MVD: variants seen among roughly 807,000 people sequenced by gnomAD.
MVD encodes diphosphomevalonate decarboxylase.
MVD carries 52 observed loss-of-function variants against 42.4 expected under a neutral mutation model. The ratio of observed to expected loss-of-function variants is 1.23; its 90% confidence interval spans 0.98 to 1.55. MVD has a LOEUF of 1.55. MVD is among the 40% of genes most tolerant of loss of function. MVD has a pLI of 0.00. For synonymous variants in MVD, 287 were observed against 243.2 expected, an observed-to-expected ratio of 1.18 and a Z score of -1.68; for missense variants, 663 against 572.1, an observed-to-expected ratio of 1.16 and a Z score of -1.62.
intron 1 of MVD, 52 bp from the exon 2 acceptor site, chr16:88,658,772 CCAGTGTT>C: frequency 2.7e-6 from 4 of 1,464,660 alleles, no homozygotes; most frequent in Non-Finnish European, 2.8e-6. Flanking sequence ...CCACCCTCCC[CCAGTGTT>C]CCCCACAGGT....
intron 8 of MVD, among the ~76,000 whole-genome samples, chr16:88,654,375 G>A (rs1466795359): frequency 1.3e-5 from 2 of 152,222 alleles, no homozygotes; most frequent in Admixed American, 1.3e-4. Context: ...GGGAGTGCAG[G>A]CGTGTTTCCT....
Position 88,658,670 on chromosome 16 carries a change from C to CGCTCAG in MVD, c.115_120dup (p.Leu39_Ser40dup). On this transcript the variant is annotated inframe_insertion, in exon 2 of 10. Coordinates refer to ENST00000301012, the MANE Select transcript of MVD (RefSeq NM_002461.3). ...CATACCTGGTCCTGGTGCAGAGTGA[C>CGCTCAG]GCTCAGGGAGGAGTTGATGGGCAGA... is the stretch of plus-strand genomic sequence containing the variant. The CGCTCAG allele has an allele frequency of 6.2e-7, 1 of 1,613,744 alleles. No homozygotes were observed. The highest frequency in any genetic ancestry group is 8.5e-7 in the Non-Finnish European group (1 of 1,179,862).
rs140458937 is a variant in MVD, at chr16:88,656,804, C to T, written c.404-500G>A. 82 of 250,844 alleles carry T rather than the reference C, an allele frequency of 3.3e-4. No individual in the cohort carries two copies. In the East Asian group the frequency reaches 8.2e-3, roughly 25 times the overall value. 15.5% of individuals were successfully genotyped at this position (250,844 alleles called of 1,614,324 possible). A position where few individuals can be genotyped will look rare whatever the true frequency, so the allele number is the denominator to read the frequency against. Reference sequence around the variant, plus strand: ...AGGTCTGGTCACCCACCCTGGTCACCGAGGGTGGTTCAGGGAAGGCGCAGG... The same window carrying T: ...AGGTCTGGTCACCCACCCTGGTCACTGAGGGTGGTTCAGGGAAGGCGCAGG... On this transcript the variant is annotated intron_variant, in intron 4 of 9. Transcript: ENST00000301012.
At chr16:88,653,180 C>G in intron 9 of MVD, 120 bp downstream of exon 9, 1 of 751,690 alleles carries the variant, frequency 1.3e-6, no homozygotes, top group Non-Finnish European at 2.2e-6. Context: ...GTTCTGGCTT[C>G]CTGCCTGAGA....
intron 3 of MVD, 157 bp downstream of exon 3, chr16:88,657,758 T>C (rs1908025729): frequency 8.1e-7 from 1 of 1,236,466 alleles, no homozygotes; most frequent in East Asian, 2.5e-5. Flanking sequence ...GTCATTGAGG[T>C]GGGCCACTGC....
Position 88,653,397 on chromosome 16 carries a change from C to G in MVD, c.1025G>C (p.Gly342Ala). ...GAGAGGGGCCGGCCTCACCTGCAGC[C>G]CCTTCAGAAACCTGGAAAAGCAGGG... is the stretch of plus-strand genomic sequence containing the variant. ...PGSNGDTFLK[G>A]LQVRPAPLSA... The change falls in exon 9 of 10, where the codon GGG (glycine) becomes GCG (alanine). Residue 342 changes from glycine (G) to alanine (A), a missense_variant. Coordinates refer to ENST00000301012, the MANE Select transcript of MVD (RefSeq NM_002461.3). The G allele has an allele frequency of 6.2e-7, 1 of 1,606,216 alleles. No individual in the cohort carries two copies. Among genetic ancestry groups the G allele is most frequent in the African/African-American group, 1.3e-5 (1 of 74,310 alleles).
In MVD at chr16:88,652,361, G is replaced by A. The variant is rs1050742509; in HGVS notation, c.*164C>T. The A allele has an allele frequency of 4.1e-6, 3 of 737,016 alleles. No homozygotes were observed. The highest frequency in any genetic ancestry group is 3.5e-5 in the African/African-American group (2 of 57,852). The allele number at this position is 737,016 out of a possible 1,614,324, so 45.7% of individuals were successfully genotyped here. On this transcript the variant is annotated 3_prime_UTR_variant, in exon 10 of 10. Coordinates refer to ENST00000301012, the MANE Select transcript of MVD (RefSeq NM_002461.3). ...GGCGGGGACCTCTCCTGACACCTGG[G>A]CGGCCGCAGGACTCCCTGCACTGCC...
chr16:88,654,269 C>A (rs1475955191), intron 8 of MVD, among the ~76,000 whole-genome samples: 1 of 152,218 alleles, frequency 6.6e-6, no homozygotes, highest in African/African-American at 2.4e-5. Context: ...GGTCAACACC[C>A]GGCCGCCTTG....
intron 5 of MVD, 159 bp from the exon 6 acceptor site, chr16:88,655,889 T>TGACGCAGGGGC: frequency 9.0e-7 from 1 of 1,114,178 alleles, no homozygotes; most frequent in African/African-American, 1.6e-5. Flanking sequence ...ACAGCAGGGG[T>TGACGCAGGGGC]GACGCAGGGG....
chr16:88,655,098 G>C, intron 7 of MVD, 101 bp downstream of exon 7: 1 of 1,339,078 alleles, frequency 7.5e-7, no homozygotes, highest in South Asian at 1.3e-5. Flanking sequence ...TTCAGACACA[G>C]ATTGCCCTGC....
intron 1 of MVD, 148 bp downstream of exon 1, chr16:88,662,863 C>G (rs1288753472): frequency 2.1e-6 from 3 of 1,439,376 alleles, no homozygotes; most frequent in Non-Finnish European, 2.7e-6. Context: ...GCCCGACCAC[C>G]GCCGCGCCCC....
chr16:88,656,524 C>A (rs1907941055), intron 4 of MVD: 4 of 600,594 alleles, frequency 6.7e-6, no homozygotes, highest in Non-Finnish European at 1.2e-5. Context: ...TCACGGCCTG[C>A]AGAGCTTGCG....
At position 88,656,144 on chromosome 16, in the gene MVD, G is replaced by C. The variant is rs754867024; in HGVS notation, c.564C>G (p.Pro188=). Reference sequence around the variant, plus strand: ...CGCGGAGTTCAGGCCAGTGTGACTCGGGGGCCACTTGCCGAGCGATGCTGT... The same window carrying C: ...CGCGGAGTTCAGGCCAGTGTGACTCCGGGGCCACTTGCCGAGCGATGCTGT... The part of the protein sequence containing the change: ...GKDSIARQVA[P]ESHWPELRVL... Residue 188 remains proline, a synonymous_variant, in exon 5 of 10, where the codon CCC becomes CCG. Coordinates refer to ENST00000301012, the MANE Select transcript of MVD (RefSeq NM_002461.3). The C allele has an allele frequency of 6.2e-7, 1 of 1,601,960 alleles. No individual in the cohort carries two copies. Among genetic ancestry groups the C allele is most frequent in the Non-Finnish European group, 8.5e-7 (1 of 1,179,876 alleles).
At chr16:88,658,491 T>G (rs1908082808) in intron 2 of MVD, among the ~76,000 whole-genome samples, 159 bp downstream of exon 2, 1 of 151,924 alleles carries the variant, frequency 6.6e-6, no homozygotes, top group African/African-American at 2.4e-5. Context: ...AGTGCAGTGG[T>G]GCGATCATGG....
chr16:88,656,117 C>A lies in MVD; in HGVS notation c.591G>T (p.Val197=). The A allele has an allele frequency of 6.2e-7, 1 of 1,600,630 alleles. No individual in the cohort carries two copies. Among genetic ancestry groups the A allele is most frequent in the Non-Finnish European group, 8.5e-7 (1 of 1,179,570 alleles). Residue 197 remains valine, a synonymous_variant, in exon 5 of 10, where the codon GTG becomes GTT. Coordinates refer to ENST00000301012, the MANE Select transcript of MVD (RefSeq NM_002461.3). ...CCACCCCACTCACCACAAGGATGAG[C>A]ACGCGGAGTTCAGGCCAGTGTGACT... The part of the protein sequence containing the change: ...APESHWPELR[V]LILVVSAEKK...
intron 5 of MVD, 40 bp downstream of exon 5, chr16:88,656,064 AG>A: frequency 6.5e-7 from 1 of 1,545,368 alleles, no homozygotes; most frequent in Non-Finnish European, 8.7e-7. Context: ...CTAGGGACAG[AG>A]GCCACCGGGC....
At chr16:88,653,182 T>C (rs1907686113) in intron 9 of MVD, 118 bp downstream of exon 9, 3 of 764,656 alleles carry the variant, frequency 3.9e-6, no homozygotes, top group East Asian at 5.6e-5. Flanking sequence ...TCTGGCTTCC[T>C]GCCTGAGACA....
chr16:88,657,686 G>A, intron 3 of MVD, 104 bp from the exon 4 acceptor site: 1 of 1,495,030 alleles, frequency 6.7e-7, no homozygotes, highest in Non-Finnish European at 9.1e-7. Context: ...GCCTCTGCCT[G>A]CCAGACTCCT....
chr16:88,653,193 CGGTAGGGACAG>C, intron 9 of MVD, 96 bp downstream of exon 9: 1 of 824,988 alleles, frequency 1.2e-6, no homozygotes, highest in Non-Finnish European at 1.9e-6. Flanking sequence ...GCCTGAGACA[CGGTAGGGACAG>C]GGAGCCGCGC....
Sources: allele counts gnomAD v4.1 joint callset (sites outside exome capture counted in the v4.1 genomes callset), GRCh38; gene constraint gnomAD v4.1.1; transcripts MANE v1.5; gene names NCBI Gene and HGNC (gene_info 2026-07-23, HGNC 2026-07-21).